The following ATG10 variants were observed in gnomAD, a reference collection of about 807,000 sequenced individuals.
ATG10 encodes autophagy related 10, also known as ubiquitin-like-conjugating enzyme ATG10.
A neutral mutation model predicts 32.1 loss-of-function variants in ATG10; 30 were observed. That is an observed-to-expected ratio of 0.94 (90% CI 0.70 to 1.27). The LOEUF (loss-of-function observed/expected upper bound fraction) is 1.27, where lower values mean the gene tolerates loss of function less well. Among genes scored for constraint, ATG10 ranks in the 50% most tolerant of loss-of-function variants. The probability of loss-of-function intolerance (pLI) is 0.00; values close to 1 mark genes in which losing one functional copy is unlikely to be tolerated. For synonymous variants in ATG10, 87 were observed against 91.5 expected (o/e 0.95, Z 0.28); for missense variants, 233 against 262.3 (o/e 0.89, Z 0.77).
chr5:82,207,404 A>C (rs1745340394), intron 5 of ATG10, among the ~76,000 whole-genome samples: 1 of 152,090 alleles, frequency 6.6e-6, no homozygotes, highest in Admixed American at 6.6e-5. Flanking sequence ...CATATCCCTA[A>C]TGATTAATGA....
intron 1 of ATG10, among the ~76,000 whole-genome samples, chr5:81,985,867 A>C (rs1449094365): frequency 6.6e-6 from 1 of 152,082 alleles, no homozygotes; most frequent in Non-Finnish European, 1.5e-5. Context: ...GGTTCCCGCC[A>C]TTCTCCTGCC....
At chr5:82,109,041 G>A (rs912644867) in intron 3 of ATG10, among the ~76,000 whole-genome samples, 10 of 152,064 alleles carry the variant, frequency 6.6e-5, no homozygotes, top group African/African-American at 2.2e-4. Context: ...ATATTTCAGA[G>A]AAAGTGTATA....
intron 3 of ATG10, among the ~76,000 whole-genome samples, chr5:82,132,124 G>C (rs1309792055): frequency 6.6e-6 from 1 of 152,090 alleles, no homozygotes; most frequent in Non-Finnish European, 1.5e-5. Context: ...TTCAATGTGA[G>C]ATATGGGCCA....
chr5:82,139,361 G>A (rs557323226), intron 3 of ATG10, among the ~76,000 whole-genome samples: 142 of 148,664 alleles, frequency 9.6e-4, no homozygotes, highest in South Asian at 8.2e-3. Context: ...AGTGAGGAGC[G>A]TCTCCGCCCG....
chr5:82,135,503 A>G (rs1205053330), intron 3 of ATG10, among the ~76,000 whole-genome samples: 1 of 152,162 alleles, frequency 6.6e-6, no homozygotes, highest in African/African-American at 2.4e-5. Flanking sequence ...TCATTCAGGA[A>G]CAAGTTTTTC....
intron 3 of ATG10, among the ~76,000 whole-genome samples, chr5:82,095,064 TC>T (rs1246993745): frequency 6.6e-6 from 1 of 152,160 alleles, no homozygotes; most frequent in African/African-American, 2.4e-5. Context: ...GCTTTTATAG[TC>T]AGCTAAAAAT....
At chr5:82,139,997 GCCCGGCCGCC>G (rs1767012433) in intron 3 of ATG10, among the ~76,000 whole-genome samples, 1 of 127,346 alleles carries the variant, frequency 7.9e-6, no homozygotes, top group Non-Finnish European at 1.7e-5. Context: ...GGGCGCCTCT[GCCCGGCCGCC>G]CCTACTGGGA....
At chr5:82,141,254 G>A (rs1303796643) in intron 3 of ATG10, among the ~76,000 whole-genome samples, 1 of 151,138 alleles carries the variant, frequency 6.6e-6, no homozygotes, top group Non-Finnish European at 1.5e-5. Context: ...AAAGAAAGTC[G>A]AGTAGGATAT....
intron 2 of ATG10, among the ~76,000 whole-genome samples, chr5:82,022,980 G>A (rs1762487464): frequency 6.7e-6 from 1 of 149,946 alleles, no homozygotes. Context: ...CAATGGATCT[G>A]GAATATGTAT....
chr5:81,984,940 A>G (rs1233914041), intron 1 of ATG10, among the ~76,000 whole-genome samples: 1 of 152,230 alleles, frequency 6.6e-6, no homozygotes, highest in Admixed American at 6.5e-5. Context: ...TAATCAAGCC[A>G]TAAGTGTTTG....
chr5:82,084,813 A>G (rs1764612482), intron 3 of ATG10, among the ~76,000 whole-genome samples: 2 of 152,238 alleles, frequency 1.3e-5, no homozygotes, highest in Non-Finnish European at 2.9e-5. Flanking sequence ...GGCCTGCCTT[A>G]CAAGAGCCCC....
At chr5:82,207,254 T>A (rs1745335760) in intron 5 of ATG10, among the ~76,000 whole-genome samples, 1 of 152,346 alleles carries the variant, frequency 6.6e-6, no homozygotes. Flanking sequence ...TCTAAAACTG[T>A]TCTATCAATA....
At chr5:81,982,399 G>A (rs1761074597) in intron 1 of ATG10, among the ~76,000 whole-genome samples, 1 of 152,196 alleles carries the variant, frequency 6.6e-6, no homozygotes, top group South Asian at 2.1e-4. Flanking sequence ...TCGGGAGGTG[G>A]AGGTTGTAGT....
chr5:82,124,867 C>G (rs1226233058), intron 3 of ATG10, among the ~76,000 whole-genome samples: 1 of 152,170 alleles, frequency 6.6e-6, no homozygotes, highest in Non-Finnish European at 1.5e-5. Flanking sequence ...AATTGCCACA[C>G]TGTCTTCCAC....
intron 2 of ATG10, among the ~76,000 whole-genome samples, chr5:82,052,105 CCCTT>C (rs1240632598): frequency 6.6e-6 from 1 of 152,072 alleles, no homozygotes. Context: ...ACTTGTCAAG[CCCTT>C]CCTGCAGTTG....
At chr5:82,224,017 T>A (rs1036769147) in intron 5 of ATG10, among the ~76,000 whole-genome samples, 2 of 152,220 alleles carry the variant, frequency 1.3e-5, no homozygotes, top group Non-Finnish European at 2.9e-5. Context: ...AAGGATTGCA[T>A]ACCTTTGGAA....
intron 2 of ATG10, among the ~76,000 whole-genome samples, chr5:81,990,015 T>C (rs1761409111): frequency 1.3e-5 from 2 of 152,216 alleles, no homozygotes; most frequent in South Asian, 4.1e-4. Context: ...TTTTCATGGC[T>C]TTTCAGTGGT....
intron 5 of ATG10, among the ~76,000 whole-genome samples, chr5:82,197,458 A>ATCTG (rs1469602441): frequency 4.8e-4 from 54 of 113,192 alleles, no homozygotes; most frequent in African/African-American, 2.0e-3. Flanking sequence ...CTATCTGTCT[A>ATCTG]TCTACCTACC....
chr5:82,148,670 C>T (rs1041825172), intron 3 of ATG10, among the ~76,000 whole-genome samples: 3 of 152,134 alleles, frequency 2.0e-5, no homozygotes, highest in Non-Finnish European at 4.4e-5. Context: ...AAGTTCATAC[C>T]AATCTTTACA....
Sources: gnomAD v4.1 joint callset for allele counts (sites outside exome capture counted in the v4.1 genomes callset) on GRCh38, gnomAD v4.1.1 for gene constraint, MANE v1.5 for transcripts, NCBI Gene and HGNC (gene_info 2026-07-23, HGNC 2026-07-21) for gene names.